The following BARX2 variants were observed in gnomAD, a reference collection of about 807,000 sequenced individuals.
The protein encoded by BARX2 is BARX homeobox 2, also known as homeobox protein BarH-like 2.
Under a neutral mutation model 25.5 loss-of-function variants are expected in BARX2, and 11 were observed. The ratio of observed to expected loss-of-function variants is 0.43; its 90% CI spans 0.27 to 0.71. BARX2 has a LOEUF of 0.71. BARX2 is among the 30% of genes least tolerant of loss of function. The pLI is 0.19. For synonymous variants in BARX2, 137 were observed against 149.5 expected (o/e 0.92, Z 0.61); for missense variants, 360 against 359.9 (o/e 1.00, Z 0.00).
At chr11:129,437,558 G>C in intron 2 of BARX2, 1 of 967,958 alleles carries the variant, frequency 1.0e-6, no homozygotes. Context: ...TAGTGAATTT[G>C]CTGGATGTCA....
intron 1 of BARX2, among the ~76,000 whole-genome samples, chr11:129,433,788 CTT>C (rs982702559): frequency 2.8e-4 from 42 of 152,344 alleles, no homozygotes; most frequent in African/African-American, 9.9e-4. Flanking sequence ...CATCTTCACA[CTT>C]TGCTGTATTT....
At chr11:129,437,592 C>A (rs946006760) in intron 2 of BARX2, 7 of 832,140 alleles carry the variant, frequency 8.4e-6, no homozygotes, top group Non-Finnish European at 1.0e-5. Flanking sequence ...TGACTGAGAC[C>A]CAGGAGGACC....
chr11:129,440,195 G>A (rs1322039054), intron 2 of BARX2, among the ~76,000 whole-genome samples: 3 of 152,262 alleles, frequency 2.0e-5, no homozygotes, highest in Non-Finnish European at 4.4e-5. Context: ...ATGCAGGGAA[G>A]TGAGAATTTG....
At chr11:129,380,857 A>G (rs1269207823) in intron 1 of BARX2, among the ~76,000 whole-genome samples, 2 of 151,394 alleles carry the variant, frequency 1.3e-5, no homozygotes, top group East Asian at 1.9e-4. Context: ...GCTCACTGCA[A>G]CCTCCACCTT....
chr11:129,402,359 T>C (rs1257526757), intron 1 of BARX2, among the ~76,000 whole-genome samples: 1 of 152,194 alleles, frequency 6.6e-6, no homozygotes, highest in East Asian at 1.9e-4. Context: ...ACAGGATTGT[T>C]ATGATGACTA....
Position 129,397,012 on chromosome 11 carries a change from C to T in BARX2, c.187+20790C>T, listed in dbSNP as rs183030273. Among the ~76,000 whole-genome samples, 256 of 152,214 alleles carry T rather than the reference C, an allele frequency of 1.7e-3. 1 individual carries two copies. The highest frequency in any genetic ancestry group is 5.1e-3 in the Admixed American group (78 of 15,296). ...CTTTAAAAACTTACAAGGCTGGGCA[C>T]GGTGGCTCACATCTGTAATCCCAAC... is the stretch of plus-strand genomic sequence containing the variant. On this transcript the variant is annotated intron_variant, in intron 1 of 3. Transcript: ENST00000281437.
intron 1 of BARX2, among the ~76,000 whole-genome samples, chr11:129,432,301 A>G (rs571739001): frequency 6.6e-6 from 1 of 152,284 alleles, no homozygotes; most frequent in Non-Finnish European, 1.5e-5. Flanking sequence ...ACCTCAAGTA[A>G]TCTGCCCACC....
intron 2 of BARX2, among the ~76,000 whole-genome samples, chr11:129,440,038 T>G (rs7103022): frequency 0.26 from 38,773 of 152,028 alleles, 6,114 homozygotes; most frequent in African/African-American, 0.45. Flanking sequence ...TTGGCTGGCA[T>G]GGAAGCTGCC....
At chr11:129,411,189 G>A (rs1296394747) in intron 1 of BARX2, among the ~76,000 whole-genome samples, 2 of 152,140 alleles carry the variant, frequency 1.3e-5, no homozygotes, top group East Asian at 3.9e-4. Flanking sequence ...GGCTAATATG[G>A]TGAAACCCCG....
intron 1 of BARX2, among the ~76,000 whole-genome samples, chr11:129,434,730 C>T (rs942122952): frequency 2.0e-5 from 3 of 152,186 alleles, no homozygotes; most frequent in East Asian, 1.9e-4. Context: ...CCTCAAATTA[C>T]GAAATTCCCT....
At chr11:129,447,208 A>G (rs921121212) in intron 3 of BARX2, among the ~76,000 whole-genome samples, 2 of 152,152 alleles carry the variant, frequency 1.3e-5, no homozygotes, top group African/African-American at 4.8e-5. Context: ...TCCTTCCTGC[A>G]CTGACATTCC....
intron 1 of BARX2, among the ~76,000 whole-genome samples, chr11:129,393,915 T>C (rs868413664): frequency 6.6e-6 from 1 of 152,080 alleles, no homozygotes; most frequent in South Asian, 2.1e-4. Flanking sequence ...CTGGGCAACA[T>C]AGTGAGACCT....
At chr11:129,397,465 G>A (rs73569126) in intron 1 of BARX2, among the ~76,000 whole-genome samples, 12,360 of 152,166 alleles carry the variant, frequency 0.081, 844 homozygotes, top group African/African-American at 0.18. Flanking sequence ...CAAATACTTA[G>A]TATCCACCTT....
intron 1 of BARX2, among the ~76,000 whole-genome samples, chr11:129,404,788 C>T (rs1177861725): frequency 6.6e-6 from 1 of 152,136 alleles, no homozygotes; most frequent in African/African-American, 2.4e-5. Flanking sequence ...AGGAGCCATT[C>T]CGAGGGCATC....
At chr11:129,449,240 A>G (rs909410023) in intron 3 of BARX2, among the ~76,000 whole-genome samples, 2 of 152,180 alleles carry the variant, frequency 1.3e-5, no homozygotes, top group African/African-American at 4.8e-5. Context: ...TTATGGTTTT[A>G]TCCTTAAAAT....
chr11:129,375,369 T>C (rs534792837), upstream of BARX2, among the ~76,000 whole-genome samples: 1 of 152,120 alleles, frequency 6.6e-6, no homozygotes, highest in Non-Finnish European at 1.5e-5. The surrounding 1 kb of genome is among the most constrained non-coding windows in gnomAD (Gnocchi z 4.0). Flanking sequence ...GGGAGCCTAG[T>C]GAGGACTAGA....
chr11:129,418,587 TC>T (rs1429630946), intron 1 of BARX2, among the ~76,000 whole-genome samples: 4 of 152,200 alleles, frequency 2.6e-5, no homozygotes, highest in African/African-American at 4.8e-5. Context: ...TGTATACATT[TC>T]TACAGTTTGA....
chr11:129,446,317 G>A (rs1862328342), intron 3 of BARX2, among the ~76,000 whole-genome samples: 1 of 152,048 alleles, frequency 6.6e-6, no homozygotes, highest in African/African-American at 2.4e-5. Context: ...ACTATTCATG[G>A]TCATTATCTT....
chr11:129,401,622 C>T (rs1750954461), intron 1 of BARX2, among the ~76,000 whole-genome samples: 1 of 152,072 alleles, frequency 6.6e-6, no homozygotes, highest in Non-Finnish European at 1.5e-5. Flanking sequence ...CAAAGTTGTC[C>T]ATAGCACCTT....
Sources: gnomAD v4.1 joint callset for allele counts (sites outside exome capture counted in the v4.1 genomes callset) on GRCh38, gnomAD v4.1.1 for gene constraint, Gnocchi (gnomAD v3.1) non-coding constraint, MANE v1.5 for transcripts, NCBI Gene and HGNC (gene_info 2026-07-23, HGNC 2026-07-21) for gene names.